GSE1: variants seen among roughly 807,000 people sequenced by gnomAD.
The protein encoded by GSE1 is genetic suppressor element 1.
GSE1 carries 32 observed loss-of-function variants against 112.6 expected under a neutral mutation model. That is an observed-to-expected ratio of 0.28 (90% CI 0.21 to 0.38). The LOEUF (loss-of-function observed/expected upper bound fraction) is 0.38, where lower values mean the gene tolerates loss of function less well. Ranked by LOEUF, GSE1 falls within the 10% of genes least tolerant of loss-of-function variation. The pLI, the probability that GSE1 is intolerant of heterozygous loss-of-function variation, is 1.00. For missense variants in GSE1, 2,348 were observed against 1,699.2 expected, an observed-to-expected ratio of 1.38 and a Z score of -6.71; for synonymous variants, 1,115 against 735.6, an observed-to-expected ratio of 1.52 and a Z score of -8.35.
Position 85,418,596 on chromosome 16 carries a change from A to C in GSE1, c.2464+60953A>C, listed in dbSNP as rs557351916. Among the ~76,000 whole-genome samples the C allele has an allele frequency of 2.0e-5, 3 of 152,330 alleles. No individual in the cohort carries two copies. The East Asian group carries it at 5.8e-4, about 29-fold the overall frequency. On this transcript the variant is annotated intron_variant, in intron 2 of 2. Transcript: ENST00000637419. ...CAGGAGCCAGACCCAGCCTCTCAGCATAGAGAAGCCACTGCTGTCTGTGGG... is the reference window on the plus strand; with the variant it reads ...CAGGAGCCAGACCCAGCCTCTCAGCCTAGAGAAGCCACTGCTGTCTGTGGG...
At chr16:85,622,983 G>GGT (rs2048836464) in intron 1 of GSE1, among the ~76,000 whole-genome samples, 1 of 152,034 alleles carries the variant, frequency 6.6e-6, no homozygotes, top group Non-Finnish European at 1.5e-5. Flanking sequence ...GGAGGGGAGG[G>GGT]GTGCAGACTC....
chr16:85,478,259 G>T (rs1312743466), intron 2 of GSE1, among the ~76,000 whole-genome samples: 1 of 152,096 alleles, frequency 6.6e-6, no homozygotes, highest in East Asian at 1.9e-4. Flanking sequence ...AGGCACGGTG[G>T]CTCATGCCTG....
intron 1 of GSE1, among the ~76,000 whole-genome samples, chr16:85,563,870 C>T (rs377664531): frequency 3.9e-5 from 6 of 152,182 alleles, no homozygotes; most frequent in Non-Finnish European, 7.3e-5. Flanking sequence ...TGGGTTGGAC[C>T]GGGCTGTGCC....
At chr16:85,418,203 G>A (rs572427463) in intron 2 of GSE1, among the ~76,000 whole-genome samples, 2 of 152,358 alleles carry the variant, frequency 1.3e-5, no homozygotes, top group South Asian at 4.1e-4. Flanking sequence ...CATGCCAGAC[G>A]GAGGCAGGTT....
intron 1 of GSE1, among the ~76,000 whole-genome samples, chr16:85,210,839 T>C (rs1327062778): frequency 6.6e-6 from 1 of 152,204 alleles, no homozygotes; most frequent in Admixed American, 6.5e-5. Flanking sequence ...CTTGAGCTTG[T>C]CATCTCTGGC....
rs753216604 is a variant in GSE1 at position 85,661,593 on chromosome 16, G to A, written c.2088G>A (p.Ala696=). The change falls in exon 9 of 16, where the codon GCG becomes GCA. Residue 696 remains alanine (A), a synonymous_variant. Transcript: ENST00000253458. Reference sequence around the variant, plus strand: ...AGCAGCGGGCCTCCCTCCCACAGGCGGCCACCTTCGGGGAGCTCAGCGGAC... The same window carrying A: ...AGCAGCGGGCCTCCCTCCCACAGGCAGCCACCTTCGGGGAGCTCAGCGGAC... The part of the protein sequence containing the change: ...LGQQRASLPQ[A]ATFGELSGPL... 28 of 1,610,166 alleles carry A rather than the reference G, an allele frequency of 1.7e-5. No individual in the cohort carries two copies. Among genetic ancestry groups the A allele is most frequent in the Admixed American group, 5.0e-5 (3 of 59,814 alleles).
chr16:85,332,907 A>G (rs2046406003), intron 1 of GSE1, among the ~76,000 whole-genome samples: 1 of 151,472 alleles, frequency 6.6e-6, no homozygotes, highest in Admixed American at 6.6e-5. Flanking sequence ...ACCCCCCTTT[A>G]TCCCCTGTAC....
intron 1 of GSE1, among the ~76,000 whole-genome samples, chr16:85,294,645 CT>C (rs1567669577): frequency 8.0e-6 from 1 of 124,816 alleles, no homozygotes; most frequent in Non-Finnish European, 1.7e-5. Flanking sequence ...CTCTCTCTCT[CT>C]CTCTCTCTCT....
At chr16:85,420,121 T>C (rs1288816705) in intron 2 of GSE1, among the ~76,000 whole-genome samples, 1 of 152,008 alleles carries the variant, frequency 6.6e-6, no homozygotes, top group Non-Finnish European at 1.5e-5. Context: ...GGGTGGTGGC[T>C]CATGCCTATA....
chr16:85,513,507 A>G (rs2051816398), intron 2 of GSE1, among the ~76,000 whole-genome samples: 1 of 151,890 alleles, frequency 6.6e-6, no homozygotes, highest in Admixed American at 6.6e-5. Context: ...TCACGCACCC[A>G]ACGTCCTCTC....
intron 2 of GSE1, among the ~76,000 whole-genome samples, chr16:85,478,918 TCTTTCTTTC>T (rs1567520819): frequency 1.7e-4 from 9 of 53,640 alleles, no homozygotes; most frequent in African/African-American, 9.3e-4. Context: ...TTTCTTTCTT[TCTTTCTTTC>T]TCTTTCTTTC....
At chr16:85,583,506 C>G (rs1233144796) in intron 1 of GSE1, 1 of 150,378 alleles carries the variant, frequency 6.6e-6, no homozygotes, top group African/African-American at 2.5e-5. Flanking sequence ...CCGCCCCCCA[C>G]CCCCATTCCA....
chr16:85,230,217 G>A (rs1904274867), intron 1 of GSE1, among the ~76,000 whole-genome samples: 2 of 152,214 alleles, frequency 1.3e-5, no homozygotes, highest in Admixed American at 1.3e-4. Context: ...CTGGCATTGA[G>A]TGCCTGTGCC....
chr16:85,267,461 T>TG (rs1164873295), intron 1 of GSE1, among the ~76,000 whole-genome samples: 2 of 151,836 alleles, frequency 1.3e-5, no homozygotes, highest in South Asian at 2.1e-4. Flanking sequence ...GCAGTGACCG[T>TG]GGGGGGTGGG....
At chr16:85,221,925 A>C (rs1283599988) in intron 1 of GSE1, among the ~76,000 whole-genome samples, 3 of 152,120 alleles carry the variant, frequency 2.0e-5, no homozygotes, top group African/African-American at 7.2e-5. Context: ...GAGTTGACTC[A>C]GCTGCCCCTC....
At chr16:85,517,449 C>T (rs2051988340) in intron 2 of GSE1, among the ~76,000 whole-genome samples, 1 of 152,206 alleles carries the variant, frequency 6.6e-6, no homozygotes, top group South Asian at 2.1e-4. Flanking sequence ...CACATTAGTG[C>T]CCGTATGTGT....
intron 2 of GSE1, among the ~76,000 whole-genome samples, chr16:85,639,584 G>C (rs759090477): frequency 2.0e-5 from 3 of 152,246 alleles, no homozygotes; most frequent in Non-Finnish European, 4.4e-5. Context: ...TGAATAAGAG[G>C]TGTTTGCCCC....
chr16:85,265,337 G>T (rs901177852), intron 1 of GSE1, among the ~76,000 whole-genome samples: 1 of 152,082 alleles, frequency 6.6e-6, no homozygotes, highest in African/African-American at 2.4e-5. Context: ...GGCCACCTCC[G>T]CTGGGTGGAG....
At chr16:85,634,587 C>CGG (rs1012177657) in intron 2 of GSE1, among the ~76,000 whole-genome samples, 1 of 152,120 alleles carries the variant, frequency 6.6e-6, no homozygotes, top group African/African-American at 2.4e-5. Context: ...TGGTCTGGAG[C>CGG]GGGGGTCTCT....
Sources: gnomAD v4.1 joint callset for allele counts (sites outside exome capture counted in the v4.1 genomes callset) on GRCh38, gnomAD v4.1.1 for gene constraint, MANE v1.5 for transcripts, NCBI Gene and HGNC (gene_info 2026-07-23, HGNC 2026-07-21) for gene names.